MCF2L2: variants seen among roughly 807,000 people sequenced by gnomAD.
MCF2L2 encodes the protein MCF.2 cell line derived transforming sequence-like 2, also known as probable guanine nucleotide exchange factor MCF2L2.
MCF2L2 carries 102 observed loss-of-function variants against 150.2 expected under a neutral mutation model. That is an observed-to-expected ratio of 0.68 (90% CI 0.58 to 0.80). MCF2L2 has a LOEUF of 0.80. Among genes scored for constraint, MCF2L2 ranks in the 30% least tolerant of loss-of-function variants. MCF2L2 has a pLI of 0.00. For missense variants in MCF2L2, 1,256 were observed against 1,372.8 expected (o/e 0.91, Z 1.34); for synonymous variants, 465 against 491.3 (o/e 0.95, Z 0.71).
At chr3:183,214,520 C>A (rs1415258034) in intron 22 of MCF2L2, among the ~76,000 whole-genome samples, 1 of 151,942 alleles carries the variant, frequency 6.6e-6, no homozygotes, top group Admixed American at 6.6e-5. Context: ...ACCTTAATAA[C>A]TTTCATGGTT....
rs995303945 is a variant in MCF2L2, at chr3:183,197,349, G to A, written c.2885-2094C>T. 8.5e-5 allele frequency among the ~76,000 whole-genome samples: 13 copies of A among 152,132 alleles called. No homozygotes were observed. The highest frequency in any genetic ancestry group is 3.1e-4 in the African/African-American group (13 of 41,410). ...TTACATAAATCATCAATTGGAGAAA[G>A]AATAGTGTTTTTAACAACTGGCAAT... On this transcript the variant is annotated intron_variant, in intron 25 of 29. Transcript: ENST00000328913. The surrounding 1 kb of genome is among the most constrained non-coding windows in gnomAD (Gnocchi z 4.5).
At chr3:183,381,482 C>A (rs192635276) in intron 2 of MCF2L2, among the ~76,000 whole-genome samples, 1 of 152,332 alleles carries the variant, frequency 6.6e-6, no homozygotes, top group East Asian at 1.9e-4. Context: ...TGTTTATAAT[C>A]TGATTTTCCA....
chr3:183,301,570 G>A (rs984065207), intron 10 of MCF2L2, among the ~76,000 whole-genome samples: 3 of 152,212 alleles, frequency 2.0e-5, no homozygotes, highest in East Asian at 3.9e-4. Flanking sequence ...CGAGGCAGGC[G>A]GATTGCCTGA....
chr3:183,311,599 G>T, intron 8 of MCF2L2, 49 bp downstream of exon 8: 1 of 1,607,994 alleles, frequency 6.2e-7, no homozygotes, highest in Non-Finnish European at 8.5e-7. Flanking sequence ...AGAACATCTA[G>T]GTCTACATAT....
chr3:183,414,312 T>C (rs1715474445), intron 1 of MCF2L2, among the ~76,000 whole-genome samples: 2 of 152,206 alleles, frequency 1.3e-5, no homozygotes, highest in Non-Finnish European at 2.9e-5. Flanking sequence ...TTTGGTAGTT[T>C]GTATAGTTTT....
chr3:183,282,761 AAGTACTTT>A (rs1727574539), intron 14 of MCF2L2, among the ~76,000 whole-genome samples: 1 of 152,214 alleles, frequency 6.6e-6, no homozygotes, highest in Non-Finnish European at 1.5e-5. Context: ...CAAATCAGAA[AAGTACTTT>A]ATTAGGCCAG....
rs1245083177 is a variant in MCF2L2 at position 183,242,295 on chromosome 3, A to G, written c.1863-11278T>C. 2.0e-5 allele frequency among the ~76,000 whole-genome samples: 3 copies of G among 152,224 alleles called. No individual in the cohort carries two copies. The East Asian group carries it at 5.8e-4, about 29-fold the overall frequency. On this transcript the variant is annotated intron_variant, in intron 15 of 29. Transcript: ENST00000328913. ...ATTTGCATAAGTAAGATGGAGCCAA[A>G]TGTTAATCACCAAGACAAAGGGGAA...
intron 1 of MCF2L2, among the ~76,000 whole-genome samples, chr3:183,423,115 T>C (rs997453708): frequency 1.3e-5 from 2 of 152,126 alleles, no homozygotes; most frequent in African/African-American, 2.4e-5. Context: ...AATCGAAAAA[T>C]AGCCCAAATA....
intron 15 of MCF2L2, among the ~76,000 whole-genome samples, chr3:183,234,637 T>C (rs1381637223): frequency 2.6e-5 from 4 of 151,702 alleles, no homozygotes; most frequent in Non-Finnish European, 5.9e-5. Flanking sequence ...TCCTTGCTTC[T>C]CTTGTTTTCC....
chr3:183,379,265 C>T, intron 3 of MCF2L2, 32 bp downstream of exon 3: 1 of 1,524,400 alleles, frequency 6.6e-7, no homozygotes. Flanking sequence ...AAAGCCAGTG[C>T]CTAAGGCGGC....
chr3:183,220,203 T>C (rs1723095664), intron 20 of MCF2L2, among the ~76,000 whole-genome samples: 1 of 152,230 alleles, frequency 6.6e-6, no homozygotes, highest in South Asian at 2.1e-4. Context: ...TTCTAAAATA[T>C]GGGCTTTGAT....
In MCF2L2 at chr3:183,350,850, GC is replaced by G. The variant is rs377484428; in HGVS notation, c.276-9221del. Among the ~76,000 whole-genome samples, 8 of 151,266 alleles carry G rather than the reference GC, an allele frequency of 5.3e-5. No homozygotes were observed. In the East Asian group the frequency reaches 1.2e-3, roughly 22 times the overall value. ...ACCCGGGAGGCGGAGCTTACAGTGA[GC>G]CCAGATAGCGCCACGGCACTCCAGC... On this transcript the variant is annotated intron_variant, in intron 3 of 29. Transcript: ENST00000328913.
chr3:183,344,762 A>G (rs968821624), intron 3 of MCF2L2, among the ~76,000 whole-genome samples: 2 of 152,164 alleles, frequency 1.3e-5, no homozygotes, highest in East Asian at 1.9e-4. Context: ...GAAAAAAAAG[A>G]CAGGGGTTGC....
intron 1 of MCF2L2, chr3:183,400,444 G>C (rs1012206647): frequency 2.2e-6 from 1 of 456,586 alleles, no homozygotes; most frequent in Non-Finnish European, 4.4e-6. Context: ...AAGGTGTAAG[G>C]TGAGTATCTA....
At position 183,205,942 on chromosome 3, in the gene MCF2L2, C is replaced by G; in HGVS notation, c.2818G>C (p.Glu940Gln). The change falls in exon 25 of 30, where the codon GAA becomes CAA. Residue 940 changes from glutamate to glutamine, a missense_variant. Physicochemically the swap from Glu to Gln is conservative, Grantham distance 29. Coordinates refer to ENST00000328913, the MANE Select transcript of MCF2L2 (RefSeq NM_015078.4). The stretch of plus-strand genomic sequence containing the variant: ...TCTGAAAACCAACAGTCTCTGATTT[C>G]TTTTGAAGCTGCCTGCAATCACACA... ...EKYILQAASK[E>Q]IRDCWFSEIS... The G allele has an allele frequency of 6.2e-7, 1 of 1,613,854 alleles. No individual in the cohort carries two copies. The highest frequency in any genetic ancestry group is 8.5e-7 in the Non-Finnish European group (1 of 1,179,776).
chr3:183,392,441 A>G (rs1188819963), intron 1 of MCF2L2, among the ~76,000 whole-genome samples: 1 of 151,674 alleles, frequency 6.6e-6, no homozygotes, highest in African/African-American at 2.4e-5. Flanking sequence ...CCATCCCCCC[A>G]GCCCCCGACA....
intron 27 of MCF2L2, among the ~76,000 whole-genome samples, chr3:183,180,798 A>C (rs1050102369): frequency 3.3e-5 from 5 of 152,356 alleles, no homozygotes; most frequent in African/African-American, 1.2e-4. Context: ...TAAGCCTCAC[A>C]ACCCTGTAAG....
intron 22 of MCF2L2, 150 bp downstream of exon 22, chr3:183,215,819 G>T: frequency 1.2e-6 from 1 of 826,412 alleles, no homozygotes; most frequent in Admixed American, 3.1e-5. Flanking sequence ...ATCTTGTAGT[G>T]CGGGTTTACT....
intron 15 of MCF2L2, among the ~76,000 whole-genome samples, chr3:183,256,343 T>TA (rs1317163939): frequency 6.6e-6 from 1 of 152,198 alleles, no homozygotes; most frequent in Non-Finnish European, 1.5e-5. Flanking sequence ...TTCCTTACGG[T>TA]ATGCAATATC....
Sources: gnomAD v4.1 joint callset for allele counts (sites outside exome capture counted in the v4.1 genomes callset) on GRCh38, gnomAD v4.1.1 for gene constraint, Gnocchi (gnomAD v3.1) non-coding constraint, MANE v1.5 for transcripts, NCBI Gene and HGNC (gene_info 2026-07-23, HGNC 2026-07-21) for gene names.